Variants in ADGRE3 observed in about 807,000 individuals in gnomAD.
ADGRE3 encodes the protein adhesion G protein-coupled receptor E3, also known as EGF-like module receptor 3.
ADGRE3 carries 88 observed loss-of-function variants against 80.1 expected under a neutral mutation model. That is an observed-to-expected ratio of 1.10 (90% CI 0.93 to 1.31). The LOEUF (loss-of-function observed/expected upper bound fraction) is 1.31, where lower values mean the gene tolerates loss of function less well. Ranked by LOEUF, ADGRE3 falls within the 40% of genes most tolerant of loss-of-function variation. The pLI, the probability that ADGRE3 is intolerant of heterozygous loss-of-function variation, is 0.00. For synonymous variants in ADGRE3, 281 were observed against 294.8 expected, an observed-to-expected ratio of 0.95 and a Z score of 0.48; for missense variants, 715 against 776.5, an observed-to-expected ratio of 0.92 and a Z score of 0.94.
downstream of ADGRE3, among the ~76,000 whole-genome samples, chr19:14,615,092 G>A (rs532326972): frequency 6.6e-6 from 1 of 152,022 alleles, no homozygotes; most frequent in African/African-American, 2.4e-5. Context: ...AGGCCCAGAG[G>A]TGGGGTCTCA....
rs760687394 is a variant in ADGRE3, at chr19:14,624,096, C to CTTTTT, written c.1920+1391_1920+1395dup. On this transcript the variant is annotated intron_variant, in intron 15 of 15. Coordinates refer to ENST00000253673, the MANE Select transcript of ADGRE3 (RefSeq NM_032571.5). ...CTACAACGCCACCACACCTGGCTTC[C>CTTTTT]TTTTTTTTTTTTTTTGAGACAGGGT... Among the ~76,000 whole-genome samples the CTTTTT allele has an allele frequency of 6.4e-5, 9 of 139,856 alleles. 1 individual carries two copies. The highest frequency in any genetic ancestry group is 7.7e-5 in the Non-Finnish European group (5 of 64,990). 91.8% of individuals were successfully genotyped at this position (139,856 alleles called of 152,430 possible). A position where few individuals can be genotyped will look rare whatever the true frequency, so the allele number is the denominator to read the frequency against.
Position 14,620,568 on chromosome 19 carries a change from A to ATATAT in ADGRE3, c.1921-1098_1921-1097insATATA, listed in dbSNP as rs1435435269. Among the ~76,000 whole-genome samples the ATATAT allele has an allele frequency of 3.4e-3, 37 of 11,036 alleles. 5 individuals are homozygous for ATATAT. The highest frequency in any genetic ancestry group is 4.3e-3 in the Non-Finnish European group (29 of 6,750). The allele number at this position is 11,036 out of a possible 152,430, so 7.2% of individuals were successfully genotyped here. A position where few individuals can be genotyped will look rare whatever the true frequency, so the allele number is the denominator to read the frequency against. ...ATATATTATATATATATATATATAT[A>ATATAT]TTTTTTTTTTTTTTTTTTTTTTTTT... On this transcript the variant is annotated intron_variant, in intron 15 of 15. Transcript: ENST00000253673.
rs964037319 is a variant in ADGRE3, at chr19:14,625,599, C to T, written c.1813G>A (p.Val605Ile). 1.2e-5 allele frequency: 20 copies of T among 1,600,240 alleles called. No homozygotes were observed. Among genetic ancestry groups the T allele is most frequent in the Non-Finnish European group, 1.5e-5 (18 of 1,168,264 alleles). The change falls in exon 15 of 16, where the codon GTC (valine) becomes ATC (isoleucine). Residue 605 changes from valine (V) to isoleucine (I), a missense_variant and splice_region_variant. Transcript: ENST00000253673. Reference sequence around the variant, plus strand: ...AACCACTTTTGATATTGTTTCTGGACCTGGAACATCAAAGGAAATACCTGG... The same window carrying T: ...AACCACTTTTGATATTGTTTCTGGATCTGGAACATCAAAGGAAATACCTGG... ...FLVYCLLSQQ[V>I]QKQYQKWFRE...
At chr19:14,607,287 C>T in the ADGRE3 span, among the ~76,000 whole-genome samples, 1 of 151,720 alleles carries the variant, frequency 6.6e-6, no homozygotes, top group African/African-American at 2.4e-5. Flanking sequence ...TCACTGCAAG[C>T]TCCGCCTCCC....
Position 14,632,936 on chromosome 19 carries a change from G to A in ADGRE3, c.1628C>T (p.Thr543Ile). 1 of 1,611,050 alleles carries A rather than the reference G, an allele frequency of 6.2e-7. No homozygotes were observed. The highest frequency in any genetic ancestry group is 1.3e-5 in the African/African-American group (1 of 74,944). The change falls in exon 13 of 16, where the codon ACC (threonine) becomes ATC (isoleucine). Residue 543 changes from threonine to isoleucine, a missense_variant. Thr to Ile is a moderately conservative substitution (Grantham distance 89). Transcript: ENST00000253673. ...CACATCCTACCTTGTGTTCTGGATGGTTGACACTTCACTATTGAGGGAGGA... is the reference window on the plus strand; with the variant it reads ...CACATCCTACCTTGTGTTCTGGATGATTGACACTTCACTATTGAGGGAGGA... Reference protein sequence around the residue: ...KLSSLNSEVSTIQNTRMLAFK... With the variant: ...KLSSLNSEVSIIQNTRMLAFK...
the ADGRE3 span, among the ~76,000 whole-genome samples, chr19:14,605,384 C>G: frequency 6.6e-6 from 1 of 152,118 alleles, no homozygotes; most frequent in South Asian, 2.1e-4. Flanking sequence ...GCATGAGCCA[C>G]CGCGCCCGGC....
intron 15 of ADGRE3, among the ~76,000 whole-genome samples, chr19:14,625,182 G>A (rs1367920048): frequency 2.6e-4 from 39 of 152,078 alleles, no homozygotes; most frequent in Admixed American, 2.6e-3. Context: ...GTTTCACCAT[G>A]TTGGTCAGGC....
intron 12 of ADGRE3, 22 bp from the exon 13 acceptor site, chr19:14,633,034 G>C: frequency 1.3e-6 from 2 of 1,577,170 alleles, no homozygotes; most frequent in South Asian, 2.2e-5. Context: ...ACACAAACAA[G>C]GCAGAGTGCA....
chr19:14,620,463 T>C (rs1192892890), intron 15 of ADGRE3, among the ~76,000 whole-genome samples: 3 of 119,104 alleles, frequency 2.5e-5, no homozygotes, highest in Non-Finnish European at 3.6e-5. Flanking sequence ...TATGAATATA[T>C]GAATATATTA....
the ADGRE3 span, among the ~76,000 whole-genome samples, chr19:14,601,679 T>C: frequency 1.3e-5 from 2 of 152,058 alleles, no homozygotes; most frequent in Admixed American, 6.6e-5. Context: ...AGTGCAGTGG[T>C]ATAATCATAG....
rs1240670728 is a variant in ADGRE3 at position 14,630,120 on chromosome 19, C to G, written c.1731G>C (p.Gln577His). The G allele has an allele frequency of 1.3e-5, 21 of 1,613,312 alleles. No homozygotes were observed. In the African/African-American group the frequency reaches 2.5e-4, roughly 19 times the overall value. Reference protein sequence around the residue: ...LGLLQVGPAAQVMAYLFTIIN... With the variant: ...LGLLQVGPAAHVMAYLFTIIN... ...TGATGGTGAAGAGGTAGGCCATGACCTGGGCAGCTGGACCCACCTGTAGCA... is the reference window on the plus strand; with the variant it reads ...TGATGGTGAAGAGGTAGGCCATGACGTGGGCAGCTGGACCCACCTGTAGCA... The change falls in exon 14 of 16, where the codon CAG (glutamine) becomes CAC (histidine). Residue 577 changes from glutamine (Q) to histidine (H), a missense_variant. Transcript: ENST00000253673.
chr19:14,607,428 C>G, the ADGRE3 span, among the ~76,000 whole-genome samples: 1 of 151,780 alleles, frequency 6.6e-6, no homozygotes, highest in Non-Finnish European at 1.5e-5. Context: ...TGGTCTTGAT[C>G]TCCTGACCTC....
In ADGRE3 at chr19:14,632,964, G is replaced by T. The variant is rs759388525; in HGVS notation, c.1600C>A (p.Leu534Ile). 6.2e-7 allele frequency: 1 copy of T among 1,613,936 alleles called. No individual in the cohort carries two copies. The highest frequency in any genetic ancestry group is 1.7e-5 in the Admixed American group (1 of 59,996). ...GACACTTCACTATTGAGGGAGGAAA[G>T]TTTTCTTTTCAAAATCCAAAAGACC... Reference protein sequence around the residue: ...ILVFWILKRKLSSLNSEVSTI... With the variant: ...ILVFWILKRKISSLNSEVSTI... The change falls in exon 13 of 16, where the codon CTT becomes ATT. Residue 534 changes from leucine (L) to isoleucine (I), a missense_variant. Physicochemically the swap from Leu to Ile is conservative, Grantham distance 5. Transcript: ENST00000253673.
chr19:14,647,357 C>A lies in ADGRE3; in HGVS notation c.706G>T (p.Ala236Ser), dbSNP rs1971439411. 3 of 1,595,552 alleles carry A rather than the reference C, an allele frequency of 1.9e-6. No individual in the cohort carries two copies. The Admixed American group carries it at 5.2e-5, about 28-fold the overall frequency. ...GAAGAATATGAGATAAAGGCAATGG[C>A]ACTGGGACCTGAGGAAACAGAAAGA... is the stretch of plus-strand genomic sequence containing the variant. Reference protein sequence around the residue: ...IIQGDTQGPSAIAFISYSSLG... With the variant: ...IIQGDTQGPSSIAFISYSSLG... Residue 236 changes from alanine (A) to serine (S), a missense_variant, in exon 8 of 16, where the codon GCC becomes TCC. Ala to Ser is a moderately conservative substitution (Grantham distance 99). Coordinates refer to ENST00000253673, the MANE Select transcript of ADGRE3 (RefSeq NM_032571.5).
chr19:14,614,992 C>A (rs547645245), downstream of ADGRE3, among the ~76,000 whole-genome samples: 1 of 151,126 alleles, frequency 6.6e-6, no homozygotes, highest in Non-Finnish European at 1.5e-5. Context: ...CTCAAGTGAT[C>A]CTCCCACCTC....
At chr19:14,668,614 G>A (rs754006681) in intron 2 of ADGRE3, 188 bp downstream of exon 2, 6 of 539,772 alleles carry the variant, frequency 1.1e-5, no homozygotes, top group Admixed American at 3.4e-5. Context: ...CAAACAAAAC[G>A]ATAAATAAAA....
chr19:14,654,559 C>T (rs1357583575), intron 6 of ADGRE3, among the ~76,000 whole-genome samples: 1 of 152,146 alleles, frequency 6.6e-6, no homozygotes, highest in African/African-American at 2.4e-5. Flanking sequence ...GCCATCATGC[C>T]TGGTCCTCAA....
At chr19:14,641,693 C>T in intron 9 of ADGRE3, 77 bp from the exon 10 acceptor site, 2 of 1,550,178 alleles carry the variant, frequency 1.3e-6, no homozygotes, top group Non-Finnish European at 1.8e-6. Context: ...CTGGGGCATC[C>T]TAGACACAGG....
In ADGRE3 at chr19:14,668,847, A is replaced by G. The variant is rs1972175825; in HGVS notation, c.31T>C (p.Cys11Arg). The G allele has an allele frequency of 1.2e-6, 2 of 1,613,966 alleles. No individual in the cohort carries two copies. The highest frequency in any genetic ancestry group is 1.1e-5 in the South Asian group (1 of 91,092). Residue 11 changes from cysteine to arginine, a missense_variant, in exon 2 of 16, where the codon TGC becomes CGC. Physicochemically the swap from Cys to Arg is radical, Grantham distance 180 (BLOSUM62 -3). Transcript: ENST00000253673. ...GCTCCAAAGAGGCTCAGCAGAAAGC[A>G]GAGGCCTGGAATAGATGGGAAACAG... is the stretch of plus-strand genomic sequence containing the variant. MQGPLLLPGL[C>R]FLLSLFGAVT...
Sources: gnomAD v4.1 joint callset for allele counts (sites outside exome capture counted in the v4.1 genomes callset) on GRCh38, gnomAD v4.1.1 for gene constraint, MANE v1.5 for transcripts, NCBI Gene and HGNC (gene_info 2026-07-23, HGNC 2026-07-21) for gene names.